Variants in CADM3 observed in about 807,000 individuals in gnomAD.
CADM3 encodes the protein cell adhesion molecule 3.
Under a neutral mutation model 44.9 loss-of-function variants are expected in CADM3, and 11 were observed. That is an observed-to-expected ratio of 0.25 (90% CI 0.15 to 0.41). The LOEUF (loss-of-function observed/expected upper bound fraction) is 0.41, where lower values mean the gene tolerates loss of function less well. Among genes scored for constraint, CADM3 ranks in the 10% least tolerant of loss-of-function variants. The pLI is 1.00. For synonymous variants in CADM3, 207 were observed against 205.2 expected (o/e 1.01, Z -0.08); for missense variants, 426 against 512.0 (o/e 0.83, Z 1.62).
intron 7 of CADM3, among the ~76,000 whole-genome samples, 175 bp from the exon 8 acceptor site, chr1:159,199,576 C>G (rs755513428): frequency 6.6e-6 from 1 of 152,110 alleles, no homozygotes; most frequent in Non-Finnish European, 1.5e-5. Flanking sequence ...TTAACAAATA[C>G]TATAATACAG....
At chr1:159,192,863 G>T in intron 3 of CADM3, 133 bp downstream of exon 3, 1 of 839,398 alleles carries the variant, frequency 1.2e-6, no homozygotes, top group East Asian at 2.5e-5. Context: ...GTGTTCCCCT[G>T]GCAATGGGAT....
intron 1 of CADM3, among the ~76,000 whole-genome samples, chr1:159,187,369 A>ACTG (rs1649457712): frequency 6.6e-6 from 1 of 152,224 alleles, no homozygotes; most frequent in Non-Finnish European, 1.5e-5. Context: ...TCACACTGGA[A>ACTG]TGCCATAAGA....
chr1:159,188,239 C>A (rs1428421160), intron 1 of CADM3, among the ~76,000 whole-genome samples: 2 of 151,816 alleles, frequency 1.3e-5, no homozygotes, highest in African/African-American at 4.8e-5. Context: ...GACTCCCTCC[C>A]CTCTCCGGCC....
At position 159,184,000 on chromosome 1, in the gene CADM3, C is replaced by A. The variant is rs114228733; in HGVS notation, c.89-7936C>A. On this transcript the variant is annotated intron_variant, in intron 1 of 8. Coordinates refer to ENST00000368125, the MANE Select transcript of CADM3 (RefSeq NM_001127173.3). ...TGTGCTCTAAAGTCAAAGCAACTCC[C>A]CCAAATTTTGAAGTTTTCAGCTAAA... Among the ~76,000 whole-genome samples the A allele has an allele frequency of 9.1e-3, 1,388 of 152,246 alleles. 24 individuals are homozygous for A. Among genetic ancestry groups the A allele is most frequent in the African/African-American group, 0.031 (1,307 of 41,534 alleles).
At position 159,188,790 on chromosome 1, in the gene CADM3, G is replaced by T. The variant is rs540404861; in HGVS notation, c.89-3146G>T. ...CCAGTAACCAAGAAAGGAATAGGCA[G>T]ACAGGTAGGGGTAAGGTAGGTGCCA... On this transcript the variant is annotated intron_variant, in intron 1 of 8. Coordinates refer to ENST00000368125, the MANE Select transcript of CADM3 (RefSeq NM_001127173.3). Among the ~76,000 whole-genome samples the T allele has an allele frequency of 1.5e-3, 225 of 152,348 alleles. 2 individuals carry two copies. The highest frequency in any genetic ancestry group is 5.2e-3 in the African/African-American group (218 of 41,580).
intron 5 of CADM3, 53 bp downstream of exon 5, chr1:159,194,093 G>T: frequency 6.4e-7 from 1 of 1,551,126 alleles, no homozygotes; most frequent in Non-Finnish European, 8.8e-7. Flanking sequence ...TGAGGACCAG[G>T]GAGAAAGAGA....
At position 159,191,659 on chromosome 1, in the gene CADM3, C is replaced by A. The variant is rs56871071; in HGVS notation, c.89-277C>A. ...GTGCAGATTTGGGGTGCCTTTACTC[C>A]TCTAAATGTTCGTGGCCCTGTCAGT... is the stretch of plus-strand genomic sequence containing the variant. On this transcript the variant is annotated intron_variant, in intron 1 of 8. Transcript: ENST00000368125. Among the ~76,000 whole-genome samples the A allele has an allele frequency of 2.5e-3, 388 of 152,288 alleles. 4 individuals carry two copies. Among genetic ancestry groups the A allele is most frequent in the African/African-American group, 8.9e-3 (370 of 41,546 alleles).
At chr1:159,195,876 GT>G (rs1649871069) in intron 5 of CADM3, 1 of 153,052 alleles carries the variant, frequency 6.5e-6, no homozygotes, top group Non-Finnish European at 1.5e-5. Flanking sequence ...GTCTCTTGCT[GT>G]TTCAAAGCTC....
intron 7 of CADM3, 136 bp from the exon 8 acceptor site, chr1:159,199,615 T>A: frequency 2.8e-6 from 3 of 1,078,372 alleles, no homozygotes; most frequent in Non-Finnish European, 4.2e-6. Context: ...AGATAAGGCA[T>A]GATGAATGAC....
At position 159,203,092 on chromosome 1, in the gene CADM3, C is replaced by G. The variant is rs1387209271; in HGVS notation, c.*2170C>G. 1 of 152,162 alleles carries G rather than the reference C, an allele frequency of 6.6e-6. No homozygotes were observed. Among genetic ancestry groups the G allele is most frequent in the Non-Finnish European group, 1.5e-5 (1 of 68,076 alleles). The allele number at this position is 152,162 out of a possible 1,614,324, so 9.4% of individuals were successfully genotyped here. ...TATCTTTATAATCTTTCTAACTCTC[C>G]TGTGCTAATCTCAGAGGGGTCACCC... On this transcript the variant is annotated 3_prime_UTR_variant, in exon 9 of 9. Transcript: ENST00000368125.
chr1:159,198,342 G>T (rs762528270), intron 7 of CADM3: 1 of 152,116 alleles, frequency 6.6e-6, no homozygotes, highest in Non-Finnish European at 1.5e-5. Context: ...ATAGCCTGTG[G>T]AATAAGTATC....
At chr1:159,189,912 CCCTCACTCAT>C in intron 1 of CADM3, 1 of 1,397,386 alleles carries the variant, frequency 7.2e-7, no homozygotes, top group Non-Finnish European at 1.0e-6. Flanking sequence ...TCCCTCAGTT[CCCTCACTCAT>C]CCTCACATCC....
At chr1:159,189,719 A>C (rs1247988332) in intron 1 of CADM3, 1 of 1,360,698 alleles carries the variant, frequency 7.3e-7, no homozygotes, top group Non-Finnish European at 1.0e-6. Flanking sequence ...AGAGCCCCAC[A>C]CTGTAGCAGG....
chr1:159,173,520 C>G (rs35435269), intron 1 of CADM3, among the ~76,000 whole-genome samples: 1 of 152,104 alleles, frequency 6.6e-6, no homozygotes, highest in Non-Finnish European at 1.5e-5. Flanking sequence ...CTTTCCCCTA[C>G]GTGGAATCCC....
At chr1:159,179,807 AT>A (rs1031361037) in intron 1 of CADM3, among the ~76,000 whole-genome samples, 37 of 148,960 alleles carry the variant, frequency 2.5e-4, no homozygotes, top group East Asian at 1.6e-3. Flanking sequence ...GCTCCTAATC[AT>A]TTTTTTTTTG....
At chr1:159,192,359 C>G (rs966124075) in intron 2 of CADM3, among the ~76,000 whole-genome samples, 1 of 152,092 alleles carries the variant, frequency 6.6e-6, no homozygotes, top group Admixed American at 6.5e-5. Flanking sequence ...ATGAAGCTCA[C>G]GAAATCCAAA....
At chr1:159,198,817 T>C (rs1650018752) in intron 7 of CADM3, among the ~76,000 whole-genome samples, 1 of 152,172 alleles carries the variant, frequency 6.6e-6, no homozygotes, top group Non-Finnish European at 1.5e-5. Flanking sequence ...TGATCCTCTA[T>C]ACAGGTTGTC....
At chr1:159,184,173 T>A (rs1304166284) in intron 1 of CADM3, among the ~76,000 whole-genome samples, 2 of 152,232 alleles carry the variant, frequency 1.3e-5, no homozygotes, top group African/African-American at 4.8e-5. Flanking sequence ...CTTGTGCATG[T>A]GATCCAACTG....
At chr1:159,190,856 G>T (rs955107287) in intron 1 of CADM3, among the ~76,000 whole-genome samples, 1 of 152,224 alleles carries the variant, frequency 6.6e-6, no homozygotes, top group Non-Finnish European at 1.5e-5. Context: ...CATAAGCAAT[G>T]TTGGTGAAAC....
Sources: allele counts gnomAD v4.1 joint callset (sites outside exome capture counted in the v4.1 genomes callset), GRCh38; gene constraint gnomAD v4.1.1; transcripts MANE v1.5; gene names NCBI Gene and HGNC (gene_info 2026-07-23, HGNC 2026-07-21).